The following PTPRD variants were observed in gnomAD, a reference collection of about 807,000 sequenced individuals.
PTPRD encodes receptor-type tyrosine-protein phosphatase delta.
Under a neutral mutation model 214.5 loss-of-function variants are expected in PTPRD, and 34 were observed. The observed-to-expected ratio is 0.16, with a 90% CI of 0.12 to 0.21. PTPRD has a LOEUF of 0.21. PTPRD is among the 10% of genes least tolerant of loss of function. The probability of loss-of-function intolerance (pLI) is 1.00; values close to 1 mark genes in which losing one functional copy is unlikely to be tolerated. For missense variants in PTPRD, 2,545 were observed against 2,398.7 expected (o/e 1.06, Z -1.27); for synonymous variants, 1,128 against 845.7 (o/e 1.33, Z -5.79).
chr9:9,858,562 C>G (rs1011129510), intron 5 of PTPRD, among the ~76,000 whole-genome samples: 1 of 152,148 alleles, frequency 6.6e-6, no homozygotes, highest in African/African-American at 2.4e-5. Flanking sequence ...TCCACCAAGC[C>G]AATAATTGCA....
intron 9 of PTPRD, among the ~76,000 whole-genome samples, chr9:9,276,740 C>A (rs1945802323): frequency 6.6e-6 from 1 of 151,380 alleles, no homozygotes; most frequent in African/African-American, 2.4e-5. Flanking sequence ...AGCCTAATTT[C>A]TTTAGGGCAT....
In PTPRD at chr9:9,096,261, G is replaced by T. The variant is rs142785305; in HGVS notation, c.-142-77526C>A. On this transcript the variant is annotated intron_variant, in intron 10 of 45. Transcript: ENST00000381196. ...CAAAATGGATAACTGTGAGTTGCTG[G>T]ATATGTTAATTTGCTTCAATATAGT... Among the ~76,000 whole-genome samples the T allele has an allele frequency of 2.7e-3, 404 of 152,242 alleles. 2 individuals are homozygous for T. Among genetic ancestry groups the T allele is most frequent in the African/African-American group, 9.3e-3 (388 of 41,558 alleles).
chr9:8,672,175 C>A (rs529067936), intron 12 of PTPRD, among the ~76,000 whole-genome samples: 3 of 152,130 alleles, frequency 2.0e-5, no homozygotes, highest in Admixed American at 1.3e-4. Flanking sequence ...TTTGATGTAA[C>A]CTTCTTGGTT....
At chr9:10,606,507 A>G (rs149276080) in intron 2 of PTPRD, among the ~76,000 whole-genome samples, 15 of 151,008 alleles carry the variant, frequency 9.9e-5, no homozygotes, top group Non-Finnish European at 2.1e-4. Context: ...GAAACAGGAA[A>G]CACTCCATTA....
chr9:9,835,010 C>T (rs1440982249), intron 5 of PTPRD, among the ~76,000 whole-genome samples: 3 of 151,852 alleles, frequency 2.0e-5, no homozygotes, highest in African/African-American at 7.3e-5. Context: ...ACTTCTACCA[C>T]CTTCCTTTAT....
chr9:8,975,436 A>C (rs1391987637), intron 11 of PTPRD, among the ~76,000 whole-genome samples: 1 of 152,094 alleles, frequency 6.6e-6, no homozygotes, highest in East Asian at 1.9e-4. Flanking sequence ...GATTCATTTA[A>C]TCTCTATGTA....
intron 8 of PTPRD, among the ~76,000 whole-genome samples, chr9:9,428,230 TG>T (rs1440743322): frequency 1.3e-5 from 2 of 149,066 alleles, no homozygotes; most frequent in African/African-American, 5.0e-5. Context: ...ACCAAGCAAA[TG>T]GAAAACAAAA....
intron 12 of PTPRD, among the ~76,000 whole-genome samples, chr9:8,708,626 C>T (rs2098259573): frequency 6.7e-6 from 1 of 149,482 alleles, no homozygotes; most frequent in Non-Finnish European, 1.5e-5. Flanking sequence ...TTGCAGTGAG[C>T]CCAGATCGCA....
At chr9:9,127,190 TG>T (rs1189840896) in intron 10 of PTPRD, among the ~76,000 whole-genome samples, 1 of 152,136 alleles carries the variant, frequency 6.6e-6, no homozygotes, top group Non-Finnish European at 1.5e-5. Flanking sequence ...TTGGGATGTA[TG>T]GGAAAACGAG....
intron 8 of PTPRD, among the ~76,000 whole-genome samples, chr9:9,524,881 G>A (rs10977836): frequency 0.018 from 2,704 of 152,136 alleles, 30 homozygotes; most frequent in Middle Eastern, 0.054. Context: ...TTGTTGAGAC[G>A]GAGTCTCGCT....
chr9:9,197,701 A>G (rs887923865), intron 9 of PTPRD, among the ~76,000 whole-genome samples: 2 of 152,066 alleles, frequency 1.3e-5, no homozygotes, highest in Non-Finnish European at 2.9e-5. Flanking sequence ...ATGAGCCACC[A>G]TGTCCGGCCT....
intron 4 of PTPRD, among the ~76,000 whole-genome samples, chr9:9,975,376 G>A (rs1294195917): frequency 6.6e-6 from 1 of 152,150 alleles, no homozygotes; most frequent in Non-Finnish European, 1.5e-5. Context: ...ACATGTGAGA[G>A]CTTTTCAAAA....
At chr9:10,227,000 G>C (rs1264768576) in intron 3 of PTPRD, among the ~76,000 whole-genome samples, 1 of 151,886 alleles carries the variant, frequency 6.6e-6, no homozygotes, top group Non-Finnish European at 1.5e-5. Context: ...AAACGACGTT[G>C]GCAAAATTAT....
At chr9:10,575,728 G>T (rs7039334) in intron 2 of PTPRD, among the ~76,000 whole-genome samples, 8 of 151,980 alleles carry the variant, frequency 5.3e-5, no homozygotes, top group Non-Finnish European at 1.2e-4. Context: ...AGCATTGCTT[G>T]ATGTATTTTC....
At position 8,369,617 on chromosome 9, in the gene PTPRD, C is replaced by A. The variant is rs143203762; in HGVS notation, c.4661+6319G>T. ...ATACTCAGGAAGCTTATTTTATTTT[C>A]CTTGAGACTGTTTCACTTAGAAGAT... On this transcript the variant is annotated intron_variant, in intron 39 of 45. Coordinates refer to ENST00000381196, the MANE Select transcript of PTPRD (RefSeq NM_002839.4). Among the ~76,000 whole-genome samples the A allele has an allele frequency of 2.7e-3, 411 of 151,732 alleles. 2 individuals carry two copies. The highest frequency in any genetic ancestry group is 9.5e-3 in the African/African-American group (394 of 41,464).
At chr9:9,208,020 C>CTTTTTTTTTGTTTTTTTTTTTTTTTTTT (rs2099946015) in intron 9 of PTPRD, among the ~76,000 whole-genome samples, 1 of 53,260 alleles carries the variant, frequency 1.9e-5, no homozygotes, top group East Asian at 7.3e-4. Flanking sequence ...TATATATCTG[C>CTTTTTTTTTGTTTTTTTTTTTTTTTTTT]TTTTTTTTTT....
intron 11 of PTPRD, among the ~76,000 whole-genome samples, chr9:8,807,562 A>G (rs1169126135): frequency 6.6e-6 from 1 of 152,024 alleles, no homozygotes; most frequent in Non-Finnish European, 1.5e-5. Context: ...CTGTGTGGGT[A>G]ATTTTATTTG....
intron 14 of PTPRD, among the ~76,000 whole-genome samples, chr9:8,592,572 A>C (rs898285109): frequency 6.6e-6 from 1 of 152,150 alleles, no homozygotes; most frequent in African/African-American, 2.4e-5. Context: ...TGAGATACTG[A>C]CTGTCCTGAT....
At chr9:10,468,897 C>T (rs2099012201) in intron 2 of PTPRD, among the ~76,000 whole-genome samples, 1 of 151,928 alleles carries the variant, frequency 6.6e-6, no homozygotes, top group African/African-American at 2.4e-5. Context: ...TATATTCTTG[C>T]CCACAGATTC....
Sources: gnomAD v4.1 joint callset for allele counts (sites outside exome capture counted in the v4.1 genomes callset) on GRCh38, gnomAD v4.1.1 for gene constraint, MANE v1.5 for transcripts, NCBI Gene and HGNC (gene_info 2026-07-23, HGNC 2026-07-21) for gene names.